The following SSC5D variants were observed in gnomAD, a reference collection of about 807,000 sequenced individuals.
The protein encoded by SSC5D is soluble scavenger receptor cysteine-rich domain-containing protein SSC5D.
SSC5D carries 106 observed loss-of-function variants against 104.6 expected under a neutral mutation model. The observed-to-expected ratio is 1.01, with a 90% CI of 0.87 to 1.19. The LOEUF (loss-of-function observed/expected upper bound fraction) is 1.19, where lower values mean the gene tolerates loss of function less well. SSC5D is among the 50% of genes most tolerant of loss of function. The probability of loss-of-function intolerance (pLI) is 0.00; values close to 1 mark genes in which losing one functional copy is unlikely to be tolerated. For synonymous variants in SSC5D, 860 were observed against 883.5 expected (o/e 0.97, Z 0.47); for missense variants, 1,993 against 2,153.8 (o/e 0.93, Z 1.48).
At chr19:55,497,258 G>C (rs576126049) in intron 8 of SSC5D, among the ~76,000 whole-genome samples, 1 of 152,282 alleles carries the variant, frequency 6.6e-6, no homozygotes, top group Non-Finnish European at 1.5e-5. Context: ...CAAAGCAGAG[G>C]CTGTGCCTGA....
intron 6 of SSC5D, 167 bp downstream of exon 6, chr19:55,491,247 C>T (rs1213735715): frequency 1.3e-6 from 1 of 746,690 alleles, no homozygotes; most frequent in Non-Finnish European, 2.1e-6. Context: ...CCTTCCACAG[C>T]TCCTGCCGTT....
Position 55,518,579 on chromosome 19 carries a change from A to G in SSC5D, c.4303A>G (p.Thr1435Ala), listed in dbSNP as rs1987948092. Residue 1435 changes from threonine to alanine, a missense_variant, in exon 14 of 14, where the codon ACT becomes GCT. Physicochemically the swap from Thr to Ala is moderately conservative, Grantham distance 58 (BLOSUM62 0). Coordinates refer to ENST00000389623, the MANE Select transcript of SSC5D (RefSeq NM_001144950.2). ...TACCCCACACTCAGCCTCTGACCTT[A>G]CTGTGTCCCCTGACCCCCTCCTTTC... ...THTPHSASDL[T>A]VSPDPLLSPT... 3.2e-6 allele frequency: 5 copies of G among 1,542,380 alleles called. No individual in the cohort carries two copies. The highest frequency in any genetic ancestry group is 4.4e-6 in the Non-Finnish European group (5 of 1,142,512).
chr19:55,489,480 AGCTGGGCT>A lies in SSC5D; in HGVS notation c.182_189del (p.Leu61ArgfsTer63). The A allele has an allele frequency of 6.8e-7, 1 of 1,474,024 alleles. No individual in the cohort carries two copies. The highest frequency in any genetic ancestry group is 8.9e-7 in the Non-Finnish European group (1 of 1,119,972). The allele number at this position is 1,474,024 out of a possible 1,614,324, so 91.3% of individuals were successfully genotyped here. A position where few individuals can be genotyped will look rare whatever the true frequency, so the allele number is the denominator to read the frequency against. ...CGCGATGCCGCCGTGGCCTGCCGGC[AGCTGGGCT>A]GCGGAGGGGCACTGGCCGCCCCGGG... On this transcript the variant is annotated frameshift_variant, in exon 3 of 14. Transcript: ENST00000389623. LOFTEE classifies it high-confidence loss of function.
In SSC5D at chr19:55,497,962, CGT is replaced by C; in HGVS notation, c.1476_1477del (p.Cys492Ter). ...TGTGGCATGACCAGCGCTGGGGGACCGTGTGTGACGATAGCTGGGACATGCGG... is the reference window on the plus strand; with the variant it reads ...TGTGGCATGACCAGCGCTGGGGGACCGTGTGACGATAGCTGGGACATGCGG... Reference protein sequence around the residue: ...EVWHDQRWGTVCDDSWDMRDS... With the variant: ...EVWHDQRWGTXCDDSWDMRDS... On this transcript the variant is annotated frameshift_variant, in exon 9 of 14. Transcript: ENST00000389623. LOFTEE classifies it high-confidence loss of function. 6.4e-7 allele frequency: 1 copy of C among 1,551,784 alleles called. No individual in the cohort carries two copies. The highest frequency in any genetic ancestry group is 8.7e-7 in the Non-Finnish European group (1 of 1,147,004).
Position 55,503,026 on chromosome 19 carries a change from G to C in SSC5D, c.2785+1825G>C, listed in dbSNP as rs1016060821. On this transcript the variant is annotated intron_variant, in intron 12 of 13. Transcript: ENST00000389623. This position sits in a 1 kb window ranked among gnomAD's most constrained non-coding sequence, Gnocchi z 4.0. The stretch of plus-strand genomic sequence containing the variant: ...AGACGGGTTTCACCATGTTGGCCAG[G>C]CTGGTCTCAAATTCCTGACCTCGTG... 6.6e-6 allele frequency among the ~76,000 whole-genome samples: 1 copy of C among 152,194 alleles called. No individual in the cohort carries two copies. Among genetic ancestry groups the C allele is most frequent in the African/African-American group, 2.4e-5 (1 of 41,498 alleles).
chr19:55,493,961 G>A, intron 7 of SSC5D, 49 bp downstream of exon 7: 2 of 797,048 alleles, frequency 2.5e-6, no homozygotes, highest in East Asian at 6.3e-5. Flanking sequence ...GTGGTGCTTG[G>A]AGCGGAGGGG....
chr19:55,517,246 C>T lies in SSC5D; in HGVS notation c.2970C>T (p.Pro990=). 1 of 1,541,120 alleles carries T rather than the reference C, an allele frequency of 6.5e-7. No homozygotes were observed. Among genetic ancestry groups the T allele is most frequent in the Non-Finnish European group, 8.7e-7 (1 of 1,146,150 alleles). The change falls in exon 14 of 14, where the codon CCC becomes CCT. Residue 990 remains proline (P), a synonymous_variant. Coordinates refer to ENST00000389623, the MANE Select transcript of SSC5D (RefSeq NM_001144950.2). ...CAGGTTCCCCGAGGAAACCGTGGCC[C>T]GAGCGCCGGCCACCGCGGCCCGCTG... ...GDTGSPRKPW[P]ERRPPRPAAT... is the part of the protein sequence containing the mutation.
At chr19:55,497,366 A>C (rs1213036600) in intron 8 of SSC5D, among the ~76,000 whole-genome samples, 2 of 152,238 alleles carry the variant, frequency 1.3e-5, no homozygotes, top group African/African-American at 4.8e-5. Flanking sequence ...TTAAACCAAT[A>C]ATAATGAGAG....
At chr19:55,504,160 A>G (rs1389769209) in intron 12 of SSC5D, 1 of 1,535,678 alleles carries the variant, frequency 6.5e-7, no homozygotes, top group Non-Finnish European at 8.7e-7. Context: ...TCGTTCAAGG[A>G]CTGCCAGGGT....
Position 55,489,443 on chromosome 19 carries a change from G to A in SSC5D, c.142G>A (p.Gly48Ser), listed in dbSNP as rs759351374. 17 of 1,487,796 alleles carry A rather than the reference G, an allele frequency of 1.1e-5. No homozygotes were observed. The highest frequency in any genetic ancestry group is 5.8e-5 in the African/African-American group (4 of 69,460). The allele number at this position is 1,487,796 out of a possible 1,614,324, so 92.2% of individuals were successfully genotyped here. A position where few individuals can be genotyped will look rare whatever the true frequency, so the allele number is the denominator to read the frequency against. ...GCGCTGGGGCACCGTGTGTGATGAC[G>A]GCTGGGACCTGCGCGATGCCGCCGT... is the stretch of plus-strand genomic sequence containing the variant. ...GGRWGTVCDD[G>S]WDLRDAAVAC... The change falls in exon 3 of 14, where the codon GGC becomes AGC. Residue 48 changes from glycine to serine, a missense_variant. By Grantham distance (56) the Gly-to-Ser change is moderately conservative. Coordinates refer to ENST00000389623, the MANE Select transcript of SSC5D (RefSeq NM_001144950.2).
rs2123462989 is a variant in SSC5D, at chr19:55,518,251, C to CACT, written c.3977_3978insTAC (p.Thr1327dup). On this transcript the variant is annotated inframe_insertion, in exon 14 of 14. Coordinates refer to ENST00000389623, the MANE Select transcript of SSC5D (RefSeq NM_001144950.2). The stretch of plus-strand genomic sequence containing the variant: ...CTGATCCCACCACGACCCCTCACCC[C>CACT]ACAACTCCTGACCCTTCCTCAACCC... 1.3e-6 allele frequency: 2 copies of CACT among 1,549,982 alleles called. No homozygotes were observed. Among genetic ancestry groups the CACT allele is most frequent in the Non-Finnish European group, 1.7e-6 (2 of 1,146,208 alleles).
At chr19:55,508,707 C>T (rs543842790) in intron 12 of SSC5D, among the ~76,000 whole-genome samples, 2 of 122,892 alleles carry the variant, frequency 1.6e-5, no homozygotes, top group African/African-American at 6.2e-5. Flanking sequence ...TGGACTAACT[C>T]CTATACAGCA....
rs1419020490 is a variant in SSC5D, at chr19:55,489,462, C to A, written c.161C>A (p.Ala54Asp). 6.8e-7 allele frequency: 1 copy of A among 1,474,604 alleles called. No individual in the cohort carries two copies. Among genetic ancestry groups the A allele is most frequent in the Admixed American group, 2.6e-5 (1 of 39,004 alleles). 91.3% of individuals were successfully genotyped at this position (1,474,604 alleles called of 1,614,324 possible). A position where few individuals can be genotyped will look rare whatever the true frequency, so the allele number is the denominator to read the frequency against. ...VCDDGWDLRD[A>D]AVACRQLGCG... Reference sequence around the variant, plus strand: ...GATGACGGCTGGGACCTGCGCGATGCCGCCGTGGCCTGCCGGCAGCTGGGC... The same window carrying A: ...GATGACGGCTGGGACCTGCGCGATGACGCCGTGGCCTGCCGGCAGCTGGGC... Residue 54 changes from alanine to aspartate, a missense_variant, in exon 3 of 14, where the codon GCC becomes GAC. By Grantham distance (126) the Ala-to-Asp change is moderately radical. This residue lies in a region of SSC5D where 1,101 missense variants were observed against 1,085.0 expected (regional missense o/e 1.01). Transcript: ENST00000389623.
chr19:55,490,666 T>C, intron 5 of SSC5D, 106 bp from the exon 6 acceptor site: 1 of 1,314,534 alleles, frequency 7.6e-7, no homozygotes, highest in Non-Finnish European at 1.0e-6. Context: ...CGGACAGATC[T>C]CAGGCCACCG....
chr19:55,493,865 GC>G lies in SSC5D; in HGVS notation c.1168del (p.Gln390SerfsTer46). On this transcript the variant is annotated frameshift_variant, in exon 7 of 14. Coordinates refer to ENST00000389623, the MANE Select transcript of SSC5D (RefSeq NM_001144950.2). LOFTEE classifies it high-confidence loss of function. ...ALRFCPARPW[G>X]QHDCHHREDA... ...CGATTCTGCCCAGCTCGGCCCTGGG[GC>G]CAGCATGACTGTCACCACCGCGAGG... 6.5e-7 allele frequency: 1 copy of G among 1,548,952 alleles called. No individual in the cohort carries two copies. The highest frequency in any genetic ancestry group is 8.7e-7 in the Non-Finnish European group (1 of 1,146,672).
rs1280258126 is a variant in SSC5D at position 55,493,633 on chromosome 19, G to A, written c.934G>A (p.Gly312Arg). 1.3e-6 allele frequency: 2 copies of A among 1,491,094 alleles called. No homozygotes were observed. Among genetic ancestry groups the A allele is most frequent in the Admixed American group, 2.3e-5 (1 of 42,936 alleles). 92.4% of individuals were successfully genotyped at this position (1,491,094 alleles called of 1,614,324 possible). The part of the protein sequence containing the change: ...PRLRLADGPH[G>R]CAGRLEVWHG... ...GCTGCGCCTGGCCGATGGCCCCCAC[G>A]GGTGCGCCGGCCGCCTGGAGGTCTG... The change falls in exon 7 of 14, where the codon GGG becomes AGG. Residue 312 changes from glycine to arginine, a missense_variant. By Grantham distance (125) the Gly-to-Arg change is moderately radical. This residue lies in a region of SSC5D where 1,101 missense variants were observed against 1,085.0 expected (regional missense o/e 1.01). Coordinates refer to ENST00000389623, the MANE Select transcript of SSC5D (RefSeq NM_001144950.2).
chr19:55,489,135 G>C, intron 2 of SSC5D, 103 bp downstream of exon 2: 1 of 798,256 alleles, frequency 1.3e-6, no homozygotes, highest in South Asian at 2.1e-5. Context: ...CGGCCCATCC[G>C]AATTCCACTG....
At chr19:55,493,197 G>C (rs1009900992) in intron 6 of SSC5D, among the ~76,000 whole-genome samples, 3 of 152,200 alleles carry the variant, frequency 2.0e-5, no homozygotes, top group Non-Finnish European at 4.4e-5. Context: ...TCGCAGCTAG[G>C]GGGAGGGGTT....
At chr19:55,508,667 TGGGGGGAGG>T (rs1987691142) in intron 12 of SSC5D, among the ~76,000 whole-genome samples, 3 of 98,436 alleles carry the variant, frequency 3.0e-5, no homozygotes, top group Non-Finnish European at 4.4e-5. Flanking sequence ...CCACAGGGGA[TGGGGGGAGG>T]CCTCCTGAGG....
Sources: allele counts gnomAD v4.1 joint callset (sites outside exome capture counted in the v4.1 genomes callset), GRCh38; gene constraint gnomAD v4.1.1; regional missense constraint gnomAD v4.1.1; non-coding constraint Gnocchi (gnomAD v3.1); transcripts MANE v1.5; gene names NCBI Gene and HGNC (gene_info 2026-07-23, HGNC 2026-07-21).